The following SYN3 variants were observed in gnomAD, a reference collection of about 807,000 sequenced individuals.
SYN3 encodes synapsin III.
Under a neutral mutation model 65.8 loss-of-function variants are expected in SYN3, and 35 were observed. That is an observed-to-expected ratio of 0.53 (90% CI 0.41 to 0.70). SYN3 has a LOEUF of 0.70. Among genes scored for constraint, SYN3 ranks in the 30% least tolerant of loss-of-function variants. The probability of loss-of-function intolerance (pLI) is 0.00; values close to 1 mark genes in which losing one functional copy is unlikely to be tolerated. For synonymous variants in SYN3, 270 were observed against 292.9 expected (o/e 0.92, Z 0.80); for missense variants, 680 against 749.0 (o/e 0.91, Z 1.08).
At chr22:32,567,651 C>G in intron 7 of SYN3, among the ~76,000 whole-genome samples, 1 of 151,992 alleles carries the variant, frequency 6.6e-6, no homozygotes, top group East Asian at 1.9e-4. Flanking sequence ...AGGGTGGCTA[C>G]TTTGGACAGT....
intron 6 of SYN3, among the ~76,000 whole-genome samples, chr22:32,832,635 C>G (rs766362146): frequency 3.3e-5 from 5 of 150,988 alleles, no homozygotes; most frequent in Non-Finnish European, 7.4e-5. Context: ...TAAATCACAT[C>G]AAAGTTGGGA....
At chr22:33,047,600 T>G (rs530442310) in intron 1 of SYN3, among the ~76,000 whole-genome samples, 17 of 152,154 alleles carry the variant, frequency 1.1e-4, no homozygotes, top group African/African-American at 4.1e-4. Flanking sequence ...AGGACAGCAT[T>G]CTTAGAGTAA....
intron 3 of SYN3, among the ~76,000 whole-genome samples, chr22:32,938,013 G>T (rs751915014): frequency 6.6e-6 from 1 of 152,044 alleles, no homozygotes; most frequent in Non-Finnish European, 1.5e-5. Flanking sequence ...GACCTAACAA[G>T]TTCAATGAAT....
intron 12 of SYN3, among the ~76,000 whole-genome samples, chr22:32,521,739 C>T (rs1217771163): frequency 6.6e-6 from 1 of 152,160 alleles, no homozygotes; most frequent in Non-Finnish European, 1.5e-5. Flanking sequence ...AGTCACCGCG[C>T]CCAGCTCACC....
In SYN3 at chr22:32,869,059, G is replaced by A. The variant is rs2048767528; in HGVS notation, c.528C>T (p.Asp176=). Residue 176 remains aspartate (D), a synonymous_variant, in exon 5 of 14, where the codon GAC becomes GAT. Coordinates refer to ENST00000358763, the MANE Select transcript of SYN3 (RefSeq NM_003490.4). The part of the protein sequence containing the change: ...QHAYSMALGE[D]YRSLVIGLQY... ...GCAGGCCGATGACCAGGCTGCGGTAGTCTTCCCCCAGGGCCATGCTGTAGG... is the reference window on the plus strand; with the variant it reads ...GCAGGCCGATGACCAGGCTGCGGTAATCTTCCCCCAGGGCCATGCTGTAGG... The A allele has an allele frequency of 6.2e-7, 1 of 1,614,148 alleles. No individual in the cohort carries two copies. Among genetic ancestry groups the A allele is most frequent in the Non-Finnish European group, 8.5e-7 (1 of 1,179,994 alleles).
chr22:32,820,569 A>G (rs2047217447), intron 6 of SYN3, among the ~76,000 whole-genome samples: 1 of 152,102 alleles, frequency 6.6e-6, no homozygotes, highest in African/African-American at 2.4e-5. Flanking sequence ...GGTCAGGCTG[A>G]GATTTGTCCT....
chr22:32,929,503 A>C (rs1195131728), intron 4 of SYN3, among the ~76,000 whole-genome samples: 51 of 152,176 alleles, frequency 3.4e-4, no homozygotes, highest in Admixed American at 3.3e-3. Flanking sequence ...TTATACAAAA[A>C]AATTATTTGA....
intron 3 of SYN3, among the ~76,000 whole-genome samples, chr22:32,974,690 A>C (rs570612454): frequency 6.6e-6 from 1 of 151,972 alleles, no homozygotes; most frequent in Non-Finnish European, 1.5e-5. Context: ...ATGAACTATC[A>C]CCTTCCTGCA....
chr22:32,764,410 C>T (rs1217414136), intron 6 of SYN3, among the ~76,000 whole-genome samples: 1 of 152,160 alleles, frequency 6.6e-6, no homozygotes, highest in Non-Finnish European at 1.5e-5. Flanking sequence ...TGTAGAGAAG[C>T]CGGCAAAGAC....
intron 1 of SYN3, among the ~76,000 whole-genome samples, chr22:33,024,911 TC>T (rs1357952524): frequency 6.6e-6 from 1 of 152,196 alleles, no homozygotes; most frequent in Non-Finnish European, 1.5e-5. Flanking sequence ...CTAAAGAATG[TC>T]GAGTGATTTA....
At chr22:32,625,916 G>A (rs1332269758) in intron 6 of SYN3, among the ~76,000 whole-genome samples, 1 of 152,126 alleles carries the variant, frequency 6.6e-6, no homozygotes, top group East Asian at 1.9e-4. Flanking sequence ...ATCGATAACC[G>A]TAAGTCAAGG....
chr22:32,869,156 T>C, intron 4 of SYN3, 31 bp from the exon 5 acceptor site: 1 of 1,600,710 alleles, frequency 6.2e-7, no homozygotes, highest in South Asian at 1.1e-5. Flanking sequence ...GTTACCACAC[T>C]GGGACATTGA....
intron 6 of SYN3, among the ~76,000 whole-genome samples, chr22:32,789,812 C>T (rs1027872852): frequency 1.3e-5 from 2 of 152,206 alleles, no homozygotes; most frequent in Admixed American, 6.5e-5. Context: ...CAGAAACTGA[C>T]AATCCCAGTA....
chr22:32,643,427 T>C (rs190110291), intron 6 of SYN3, among the ~76,000 whole-genome samples: 1 of 152,118 alleles, frequency 6.6e-6, no homozygotes, highest in East Asian at 1.9e-4. Context: ...TCTTCACACT[T>C]TGCGTTGCCA....
chr22:32,897,115 T>A (rs1490828355), intron 4 of SYN3, among the ~76,000 whole-genome samples: 1 of 152,184 alleles, frequency 6.6e-6, no homozygotes, highest in African/African-American at 2.4e-5. Context: ...GTGAAGGACC[T>A]GCTCCTGACT....
At chr22:32,663,402 C>T (rs1235287761) in intron 6 of SYN3, among the ~76,000 whole-genome samples, 1 of 151,810 alleles carries the variant, frequency 6.6e-6, no homozygotes, top group Non-Finnish European at 1.5e-5. Context: ...GGGTTCACGC[C>T]ATTCTCCTGC....
intron 1 of SYN3, among the ~76,000 whole-genome samples, chr22:33,040,033 T>C (rs544136986): frequency 2.0e-5 from 3 of 149,150 alleles, no homozygotes; most frequent in African/African-American, 5.1e-5. Flanking sequence ...ACTTTTTTTT[T>C]CTTTTTTTTT....
At chr22:32,821,718 G>A (rs2047251775) in intron 6 of SYN3, among the ~76,000 whole-genome samples, 1 of 152,186 alleles carries the variant, frequency 6.6e-6, no homozygotes, top group South Asian at 2.1e-4. Context: ...GTGGATTCCT[G>A]AACCAGGTAT....
chr22:32,674,553 G>A (rs2060414753), intron 6 of SYN3, among the ~76,000 whole-genome samples: 2 of 152,194 alleles, frequency 1.3e-5, no homozygotes, highest in African/African-American at 4.8e-5. Context: ...GGTGGCTACA[G>A]GTACAGGATT....
Sources: gnomAD v4.1 joint callset for allele counts (sites outside exome capture counted in the v4.1 genomes callset) on GRCh38, gnomAD v4.1.1 for gene constraint, MANE v1.5 for transcripts, NCBI Gene and HGNC (gene_info 2026-07-23, HGNC 2026-07-21) for gene names.